The following KLHL32 variants were observed in gnomAD, a reference collection of about 807,000 sequenced individuals.
The protein encoded by KLHL32 is kelch-like protein 32.
In KLHL32, 35 loss-of-function variants were observed where a neutral mutation model predicts 64.8. The ratio of observed to expected loss-of-function variants is 0.54; its 90% CI spans 0.41 to 0.72. The LOEUF is 0.72. Among genes scored for constraint, KLHL32 ranks in the 30% least tolerant of loss-of-function variants. The pLI, the probability that KLHL32 is intolerant of heterozygous loss-of-function variation, is 0.00. For missense variants in KLHL32, 589 were observed against 768.5 expected, an observed-to-expected ratio of 0.77 and a Z score of 2.76; for synonymous variants, 259 against 281.0, an observed-to-expected ratio of 0.92 and a Z score of 0.78.
intron 6 of KLHL32, among the ~76,000 whole-genome samples, chr6:97,104,908 T>TA (rs1288654333): frequency 6.6e-6 from 1 of 152,226 alleles, no homozygotes; most frequent in African/African-American, 2.4e-5. Context: ...GAAGAGAATG[T>TA]AACTATAAGA....
At chr6:96,931,737 A>G (rs2127990888) in intron 1 of KLHL32, among the ~76,000 whole-genome samples, 1 of 152,336 alleles carries the variant, frequency 6.6e-6, no homozygotes, top group Non-Finnish European at 1.5e-5. Flanking sequence ...AGAAAAGAAT[A>G]TGGTAAAAAA....
intron 5 of KLHL32, among the ~76,000 whole-genome samples, chr6:97,072,415 T>TA (rs899109867): frequency 1.2e-4 from 18 of 152,158 alleles, no homozygotes; most frequent in Non-Finnish European, 2.5e-4. Flanking sequence ...ATTGATTTTT[T>TA]AAAAAAATCA....
chr6:97,094,156 T>A (rs949851078), intron 6 of KLHL32, among the ~76,000 whole-genome samples: 3 of 152,336 alleles, frequency 2.0e-5, no homozygotes, highest in African/African-American at 7.2e-5. Flanking sequence ...CCAACACAAA[T>A]GACCCTGTGA....
At chr6:97,105,294 A>T (rs961171365) in intron 6 of KLHL32, 1 of 375,842 alleles carries the variant, frequency 2.7e-6, no homozygotes, top group East Asian at 7.3e-5. Flanking sequence ...TCTATGCATC[A>T]TCATCCATTC....
chr6:97,111,679 C>G (rs187416475), intron 6 of KLHL32, among the ~76,000 whole-genome samples: 219 of 152,282 alleles, frequency 1.4e-3, no homozygotes, highest in Non-Finnish European at 2.5e-3. Context: ...ATATTAACAG[C>G]TCAGTGGAGG....
chr6:96,973,907 A>G (rs960626579), intron 2 of KLHL32, among the ~76,000 whole-genome samples: 2 of 152,000 alleles, frequency 1.3e-5, no homozygotes, highest in East Asian at 3.9e-4. Flanking sequence ...TTTTTAGTAC[A>G]GATGGGGTTT....
chr6:96,982,042 G>A (rs1040642526), intron 3 of KLHL32, among the ~76,000 whole-genome samples: 3 of 152,046 alleles, frequency 2.0e-5, no homozygotes, highest in Non-Finnish European at 4.4e-5. Flanking sequence ...TTTGGATGAG[G>A]AGTTCTGTAG....
At chr6:96,941,466 CTGATT>C (rs780385104) in intron 1 of KLHL32, among the ~76,000 whole-genome samples, 57 of 152,234 alleles carry the variant, frequency 3.7e-4, no homozygotes, top group Admixed American at 6.5e-4. Flanking sequence ...CATACTTAAT[CTGATT>C]TAATTCTTAA....
At chr6:96,910,593 T>C in the KLHL32 span, among the ~76,000 whole-genome samples, 1 of 152,226 alleles carries the variant, frequency 6.6e-6, no homozygotes, top group African/African-American at 2.4e-5. Context: ...TTGCAAACTG[T>C]AAATGCTTGT....
intron 3 of KLHL32, among the ~76,000 whole-genome samples, chr6:97,023,169 C>A (rs977195272): frequency 2.0e-5 from 3 of 152,092 alleles, no homozygotes; most frequent in Non-Finnish European, 4.4e-5. Context: ...CAAACCATAT[C>A]AACTATATTC....
chr6:96,996,231 A>G (rs149488770), intron 3 of KLHL32, among the ~76,000 whole-genome samples: 10 of 152,370 alleles, frequency 6.6e-5, no homozygotes, highest in African/African-American at 2.2e-4. Flanking sequence ...TGACTGTCTA[A>G]CATAACTTCG....
chr6:97,013,336 G>A (rs537691760), intron 3 of KLHL32, among the ~76,000 whole-genome samples: 2 of 152,156 alleles, frequency 1.3e-5, no homozygotes, highest in Non-Finnish European at 2.9e-5. Flanking sequence ...ATTATATGAG[G>A]AAACTCACTT....
At chr6:96,918,817 A>T in the KLHL32 span, among the ~76,000 whole-genome samples, 1 of 152,232 alleles carries the variant, frequency 6.6e-6, no homozygotes, top group Non-Finnish European at 1.5e-5. Flanking sequence ...ATGTGTTTTG[A>T]AGCAGTAATG....
At position 97,113,764 on chromosome 6, in the gene KLHL32, T is replaced by C; in HGVS notation, c.628-19T>C. Reference sequence around the variant, plus strand: ...TCTTACCTTTGTGTCTCCTCTCATCTCACTTCCCTCTGTTTCAGCTAGCTG... The same window carrying C: ...TCTTACCTTTGTGTCTCCTCTCATCCCACTTCCCTCTGTTTCAGCTAGCTG... On this transcript the variant is annotated intron_variant, in intron 6 of 10. Transcript: ENST00000369261. The C allele has an allele frequency of 6.2e-7, 1 of 1,603,646 alleles. No individual in the cohort carries two copies.
intron 5 of KLHL32, among the ~76,000 whole-genome samples, chr6:97,077,962 G>A (rs1213682793): frequency 6.6e-6 from 1 of 152,168 alleles, no homozygotes; most frequent in East Asian, 1.9e-4. Flanking sequence ...ATAGCTTAGT[G>A]ACAAGCTTAT....
chr6:96,991,951 C>T (rs1241853357), intron 3 of KLHL32, among the ~76,000 whole-genome samples: 1 of 152,126 alleles, frequency 6.6e-6, no homozygotes, highest in African/African-American at 2.4e-5. Flanking sequence ...TCACTGTGCT[C>T]CCTCCCCAGC....
At chr6:97,137,681 G>C (rs947271877) in intron 10 of KLHL32, among the ~76,000 whole-genome samples, 22 of 152,080 alleles carry the variant, frequency 1.4e-4, no homozygotes, top group African/African-American at 5.3e-4. Context: ...ACTACAGGCA[G>C]CCGCCACCAC....
At chr6:97,006,396 C>T (rs867093091) in intron 3 of KLHL32, among the ~76,000 whole-genome samples, 1 of 152,112 alleles carries the variant, frequency 6.6e-6, no homozygotes, top group Non-Finnish European at 1.5e-5. Context: ...TTGAGCCTAT[C>T]GGGGTTATTG....
At chr6:97,017,771 G>A (rs1208582039) in intron 3 of KLHL32, among the ~76,000 whole-genome samples, 1 of 152,104 alleles carries the variant, frequency 6.6e-6, no homozygotes, top group Admixed American at 6.6e-5. Flanking sequence ...TGCCAGGAGG[G>A]TATGACTAGA....
Sources: gnomAD v4.1 joint callset for allele counts (sites outside exome capture counted in the v4.1 genomes callset) on GRCh38, gnomAD v4.1.1 for gene constraint, MANE v1.5 for transcripts, NCBI Gene and HGNC (gene_info 2026-07-23, HGNC 2026-07-21) for gene names.